The following CELF4 variants were observed in gnomAD, a reference collection of about 807,000 sequenced individuals.
The protein encoded by CELF4 is CUG-BP- and ETR-3-like factor 4.
CELF4 carries 18 observed loss-of-function variants against 59.9 expected under a neutral mutation model. The ratio of observed to expected loss-of-function variants is 0.30; its 90% confidence interval spans 0.21 to 0.45. The LOEUF (loss-of-function observed/expected upper bound fraction) is 0.45. Among genes scored for constraint, CELF4 ranks in the 20% least tolerant of loss-of-function variants. The pLI, the probability that CELF4 is intolerant of heterozygous loss-of-function variation, is 1.00. For missense variants in CELF4, 456 were observed against 689.0 expected (o/e 0.66, Z 3.79); for synonymous variants, 261 against 267.1 (o/e 0.98, Z 0.22).
chr18:37,256,795 G>T (rs902034315), intron 11 of CELF4, among the ~76,000 whole-genome samples: 2 of 152,138 alleles, frequency 1.3e-5, no homozygotes, highest in Non-Finnish European at 2.9e-5. Flanking sequence ...ATGTTGGCCA[G>T]GCTGGTCTCG....
At chr18:37,508,489 G>A (rs146856318) in intron 1 of CELF4, among the ~76,000 whole-genome samples, 1 of 152,216 alleles carries the variant, frequency 6.6e-6, no homozygotes, top group Non-Finnish European at 1.5e-5. Context: ...CGGAGTGGGG[G>A]TTAGGTGGAG....
chr18:37,435,941 A>G (rs1171019062), intron 2 of CELF4, among the ~76,000 whole-genome samples: 1 of 152,110 alleles, frequency 6.6e-6, no homozygotes, highest in African/African-American at 2.4e-5. Flanking sequence ...GTGTCTCCCT[A>G]GGGTTACAGA....
At chr18:37,420,285 A>ACATGCT (rs2099569861) in intron 2 of CELF4, among the ~76,000 whole-genome samples, 1 of 152,226 alleles carries the variant, frequency 6.6e-6, no homozygotes, top group Admixed American at 6.5e-5. Context: ...TCTACCGCTC[A>ACATGCT]CTAGCCATGG....
intron 1 of CELF4, among the ~76,000 whole-genome samples, chr18:37,542,670 G>A (rs528742737): frequency 5.3e-4 from 80 of 152,160 alleles, no homozygotes; most frequent in African/African-American, 1.9e-3. Flanking sequence ...ATCATGCTGG[G>A]GATACGGTAA....
intron 2 of CELF4, among the ~76,000 whole-genome samples, chr18:37,392,304 A>G (rs751812448): frequency 5.3e-5 from 8 of 152,136 alleles, no homozygotes; most frequent in Non-Finnish European, 1.0e-4. Context: ...CCCCATTTTT[A>G]GCTTGCGTTG....
chr18:37,260,137 C>T (rs1236440898), intron 10 of CELF4, among the ~76,000 whole-genome samples: 1 of 152,212 alleles, frequency 6.6e-6, no homozygotes, highest in Non-Finnish European at 1.5e-5. Flanking sequence ...CCTGCCAAAA[C>T]ACGCACAGCT....
At chr18:37,522,241 C>T (rs2099958314) in intron 1 of CELF4, among the ~76,000 whole-genome samples, 1 of 152,102 alleles carries the variant, frequency 6.6e-6, no homozygotes, top group Non-Finnish European at 1.5e-5. Context: ...ATGCTCCTTC[C>T]TGTCCCTCTC....
chr18:37,382,711 G>A (rs1283319611), intron 2 of CELF4, among the ~76,000 whole-genome samples: 2 of 152,032 alleles, frequency 1.3e-5, no homozygotes, highest in Non-Finnish European at 1.5e-5. Context: ...AGGCCCTTAG[G>A]GTTTATTAAT....
intron 3 of CELF4, among the ~76,000 whole-genome samples, chr18:37,312,096 G>C (rs1231330547): frequency 7.9e-6 from 1 of 126,452 alleles, no homozygotes; most frequent in Admixed American, 9.3e-5. Flanking sequence ...GGGCTACAGA[G>C]CGAGATTCCG....
chr18:37,268,298 C>T (rs72900329), intron 8 of CELF4, among the ~76,000 whole-genome samples: 3,503 of 152,222 alleles, frequency 0.023, 59 homozygotes, highest in Middle Eastern at 0.041. Context: ...GCTGAGGGCT[C>T]CTCAGTGTGA....
intron 8 of CELF4, among the ~76,000 whole-genome samples, chr18:37,269,974 C>T (rs1464186778): frequency 6.6e-6 from 1 of 152,178 alleles, no homozygotes; most frequent in East Asian, 1.9e-4. Context: ...CTCCAGGAAG[C>T]GGGGCGGCAC....
chr18:37,480,945 G>A (rs1452274472), intron 2 of CELF4, among the ~76,000 whole-genome samples: 1 of 152,206 alleles, frequency 6.6e-6, no homozygotes, highest in Non-Finnish European at 1.5e-5. Context: ...GTCTGAGATA[G>A]CGGTGCTAGA....
At position 37,246,195 on chromosome 18, in the gene CELF4, C is replaced by T. The variant is rs1399044042; in HGVS notation, c.*45-998G>A. Reference sequence around the variant, plus strand: ...GCAAAGCCCCCACTTGAGGGGACAACGTCATGCGTATATCAATCCATGCTG... The same window carrying T: ...GCAAAGCCCCCACTTGAGGGGACAATGTCATGCGTATATCAATCCATGCTG... On this transcript the variant is annotated intron_variant, in intron 12 of 12. Transcript: ENST00000420428. The surrounding 1 kb of genome is among the most constrained non-coding windows in gnomAD (Gnocchi z 5.3). 6.6e-6 allele frequency among the ~76,000 whole-genome samples: 1 copy of T among 152,178 alleles called. No homozygotes were observed. The highest frequency in any genetic ancestry group is 1.5e-5 in the Non-Finnish European group (1 of 68,038).
chr18:37,563,984 G>A (rs1007403628), intron 1 of CELF4, among the ~76,000 whole-genome samples: 8 of 152,208 alleles, frequency 5.3e-5, no homozygotes, highest in African/African-American at 9.7e-5. Flanking sequence ...TCTGCGCTCT[G>A]CACCTAATGT....
At chr18:37,442,977 CT>C (rs1378177036) in intron 2 of CELF4, among the ~76,000 whole-genome samples, 1 of 152,190 alleles carries the variant, frequency 6.6e-6, no homozygotes, top group Non-Finnish European at 1.5e-5. Flanking sequence ...TTCCCACTAC[CT>C]TTTGCTTTCA....
At chr18:37,544,047 G>A (rs190158462) in intron 1 of CELF4, among the ~76,000 whole-genome samples, 1 of 152,178 alleles carries the variant, frequency 6.6e-6, no homozygotes, top group East Asian at 1.9e-4. Flanking sequence ...GGAATAGCCT[G>A]AGCAGAGGTG....
intron 11 of CELF4, among the ~76,000 whole-genome samples, chr18:37,258,311 G>T (rs35532063): frequency 7.2e-5 from 7 of 97,754 alleles, no homozygotes; most frequent in African/African-American, 3.3e-4. Context: ...CCACACCCCC[G>T]CGCCTGGTCT....
chr18:37,336,675 TG>T (rs34721841), intron 2 of CELF4, among the ~76,000 whole-genome samples: 152,331 of 152,332 alleles, frequency 1, 76,165 homozygotes, highest in Middle Eastern at 1. Flanking sequence ...CCAGCAGGGA[TG>T]GGATGTGGCC....
At chr18:37,277,949 C>T (rs1054571427) in intron 3 of CELF4, among the ~76,000 whole-genome samples, 1 of 152,186 alleles carries the variant, frequency 6.6e-6, no homozygotes, top group Non-Finnish European at 1.5e-5. Flanking sequence ...GATTTACATG[C>T]GGAGACTGCA....
Sources: gnomAD v4.1 joint callset for allele counts (sites outside exome capture counted in the v4.1 genomes callset) on GRCh38, gnomAD v4.1.1 for gene constraint, Gnocchi (gnomAD v3.1) non-coding constraint, MANE v1.5 for transcripts, NCBI Gene and HGNC (gene_info 2026-07-23, HGNC 2026-07-21) for gene names.